Variants in UPF1 observed in about 807,000 individuals in gnomAD.
UPF1 encodes the protein regulator of nonsense transcripts 1.
In UPF1, 9 loss-of-function variants were observed where a neutral mutation model predicts 129.2. The ratio of observed to expected loss-of-function variants is 0.07; its 90% CI spans 0.04 to 0.12. The LOEUF (loss-of-function observed/expected upper bound fraction) is 0.12. Ranked by LOEUF, UPF1 falls within the 10% of genes least tolerant of loss-of-function variation. The pLI is 1.00. For missense variants in UPF1, 788 were observed against 1,525.3 expected, an observed-to-expected ratio of 0.52 and a Z score of 8.05; for synonymous variants, 649 against 644.9, an observed-to-expected ratio of 1.01 and a Z score of -0.10.
Position 18,850,189 on chromosome 19 carries a change from C to T in UPF1, c.576C>T (p.Phe192=), listed in dbSNP as rs1448709153. The change falls in exon 4 of 24, where the codon TTC becomes TTT. Residue 192 remains phenylalanine, a synonymous_variant. Transcript: ENST00000262803. This position sits in a 1 kb window ranked among gnomAD's most constrained non-coding sequence, Gnocchi z 7.1. ...ACAACTGCGGCTGTCGCAACGTCTT[C>T]CTCCTCGGCTTCATCCCGGCCAAAG... ...ECYNCGCRNV[F]LLGFIPAKAD... is the part of the protein sequence containing the mutation. The T allele has an allele frequency of 3.1e-6, 5 of 1,613,856 alleles. No homozygotes were observed. Among genetic ancestry groups the T allele is most frequent in the Non-Finnish European group, 4.2e-6 (5 of 1,179,840 alleles).
chr19:18,866,289 G>C (rs969385797), intron 23 of UPF1, 123 bp downstream of exon 23: 1 of 1,384,230 alleles, frequency 7.2e-7, no homozygotes, highest in African/African-American at 1.5e-5. Flanking sequence ...GCCTGGTGGG[G>C]GTCATAGGCC....
chr19:18,832,380 CGGCGCGGGAGGCCCGGGCGGCGCG>C lies in UPF1; in HGVS notation c.180_203del (p.Gly61_Gly68del). The C allele has an allele frequency of 3.3e-6, 4 of 1,198,948 alleles. No homozygotes were observed. The highest frequency in any genetic ancestry group is 4.2e-6 in the Non-Finnish European group (4 of 951,150). 74.3% of individuals were successfully genotyped at this position (1,198,948 alleles called of 1,614,324 possible). ...GCGGCCCCGGCGGCCCGGGCGGTGG[CGGCGCGGGAGGCCCGGGCGGCGCG>C]GGCGCGGGCGCTGCGGCGGGACAGC... On this transcript the variant is annotated inframe_deletion, in exon 1 of 24. Coordinates refer to ENST00000262803, the MANE Select transcript of UPF1 (RefSeq NM_002911.4). This position sits in a 1 kb window ranked among gnomAD's most constrained non-coding sequence, Gnocchi z 5.6.
chr19:18,838,043 T>C (rs1887593724), intron 1 of UPF1, among the ~76,000 whole-genome samples: 1 of 152,274 alleles, frequency 6.6e-6, no homozygotes, highest in African/African-American at 2.4e-5. Flanking sequence ...AAGTTGCTAC[T>C]TTGTCTTCAA....
In UPF1 at chr19:18,852,272, C is replaced by T. The variant is rs764051865; in HGVS notation, c.948C>T (p.Tyr316=). The change falls in exon 6 of 24, where the codon TAC becomes TAT. Residue 316 remains tyrosine, a synonymous_variant. Coordinates refer to ENST00000262803, the MANE Select transcript of UPF1 (RefSeq NM_002911.4). ...FGPLVKLEAD[Y]DKKLKESQTQ... is the part of the protein sequence containing the mutation. ...CCCTGGTCAAGCTGGAGGCCGACTACGACAAGAAGCTGAAGGAGTCCCAGG... is the reference window on the plus strand; with the variant it reads ...CCCTGGTCAAGCTGGAGGCCGACTATGACAAGAAGCTGAAGGAGTCCCAGG... 4.3e-6 allele frequency: 7 copies of T among 1,613,494 alleles called. No individual in the cohort carries two copies. The Admixed American group carries it at 5.0e-5, about 12-fold the overall frequency.
Position 18,850,625 on chromosome 19 carries a change from C to G in UPF1, c.630-63C>G. On this transcript the variant is annotated intron_variant, in intron 4 of 23. Coordinates refer to ENST00000262803, the MANE Select transcript of UPF1 (RefSeq NM_002911.4). This position sits in a 1 kb window ranked among gnomAD's most constrained non-coding sequence, Gnocchi z 7.1. ...GGTGAAAGGTCAGCATGGGAGGGGG[C>G]CCTCCCTGCTCCGGGGCTTCAGGGA... 2.0e-6 allele frequency: 3 copies of G among 1,477,794 alleles called. No individual in the cohort carries two copies. The highest frequency in any genetic ancestry group is 2.8e-5 in the South Asian group (2 of 72,208). 91.5% of individuals were successfully genotyped at this position (1,477,794 alleles called of 1,614,324 possible).
rs1249568197 is a variant in UPF1 at position 18,857,420 on chromosome 19, T to C, written c.2069T>C (p.Val690Ala). ...LSQSLFERLV[V>A]LGIRPIRLQV... ...CAGTCGCTCTTCGAGCGCCTGGTGG[T>C]GCTGGGCATCCGGCCCATCCGCCTG... Residue 690 changes from valine (V) to alanine (A), a missense_variant, in exon 15 of 24, where the codon GTG becomes GCG. Physicochemically the swap from Val to Ala is moderately conservative, Grantham distance 64. Around this residue, in one of 6 missense-constraint regions of UPF1, gnomAD observed 140 missense variants for 385.9 expected, o/e 0.36. Transcript: ENST00000262803. 1 of 1,613,450 alleles carries C rather than the reference T, an allele frequency of 6.2e-7. No individual in the cohort carries two copies. The highest frequency in any genetic ancestry group is 8.5e-7 in the Non-Finnish European group (1 of 1,180,024).
At chr19:18,862,246 A>G (rs2055788493) in intron 18 of UPF1, 94 bp downstream of exon 18, 1 of 1,533,100 alleles carries the variant, frequency 6.5e-7, no homozygotes, top group Non-Finnish European at 8.8e-7. Flanking sequence ...CCAGGGCCAG[A>G]GGTCAGAGGA....
intron 18 of UPF1, 116 bp from the exon 19 acceptor site, chr19:18,863,322 C>T: frequency 7.2e-7 from 1 of 1,382,744 alleles, no homozygotes; most frequent in Non-Finnish European, 9.9e-7. Flanking sequence ...GCTGCCCGGT[C>T]CACGCCTCTG....
chr19:18,833,784 A>G (rs2145927385), intron 1 of UPF1, among the ~76,000 whole-genome samples: 1 of 152,268 alleles, frequency 6.6e-6, no homozygotes. Context: ...CTCCTTGCTC[A>G]TCCAGAGTGA....
Position 18,863,533 on chromosome 19 carries a change from T to C in UPF1, c.2696T>C (p.Val899Ala). ...TACTATAAGGAGCAGAAGGTGCTGG[T>C]GGAGGGGCCGCTCAACAACCTGCGT... ...LNYYKEQKVLVEGPLNNLRES... is the reference protein window; with the variant it reads ...LNYYKEQKVLAEGPLNNLRES... The change falls in exon 19 of 24, where the codon GTG (valine) becomes GCG (alanine). Residue 899 changes from valine (V) to alanine (A), a missense_variant. Physicochemically the swap from Val to Ala is moderately conservative, Grantham distance 64. Around this residue, in one of 6 missense-constraint regions of UPF1, gnomAD observed 218 missense variants for 318.1 expected, o/e 0.69. Coordinates refer to ENST00000262803, the MANE Select transcript of UPF1 (RefSeq NM_002911.4). 1 of 1,613,806 alleles carries C rather than the reference T, an allele frequency of 6.2e-7. No individual in the cohort carries two copies. Among genetic ancestry groups the C allele is most frequent in the Non-Finnish European group, 8.5e-7 (1 of 1,179,866 alleles).
At position 18,855,976 on chromosome 19, in the gene UPF1, G is replaced by A. The variant is rs1455466301; in HGVS notation, c.1596G>A (p.Glu532=). The change falls in exon 12 of 24, where the codon GAG becomes GAA. Residue 532 remains glutamate (E), a synonymous_variant. Transcript: ENST00000262803. ...PSNIAVDQLT[E]KIHQTGLKVV... is the part of the protein sequence containing the mutation. Reference sequence around the variant, plus strand: ...ACATCGCCGTGGACCAGCTAACGGAGAAGATCCACCAGACGGGGCTAAAGG... The same window carrying A: ...ACATCGCCGTGGACCAGCTAACGGAAAAGATCCACCAGACGGGGCTAAAGG... 1 of 1,613,994 alleles carries A rather than the reference G, an allele frequency of 6.2e-7. No individual in the cohort carries two copies. Among genetic ancestry groups the A allele is most frequent in the Non-Finnish European group, 8.5e-7 (1 of 1,180,042 alleles).
rs777337812 is a variant in UPF1 at position 18,861,012 on chromosome 19, T to C, written c.2457+30T>C. On this transcript the variant is annotated intron_variant, in intron 17 of 23. Transcript: ENST00000262803. The stretch of plus-strand genomic sequence containing the variant: ...GCTGCGCCCTCGGGCACACTTGGTC[T>C]CCTGGGCCATGCAAGGGTATTGACC... 2.6e-6 allele frequency: 4 copies of C among 1,549,866 alleles called. No homozygotes were observed. The East Asian group carries it at 7.2e-5, about 28-fold the overall frequency.
At position 18,852,172 on chromosome 19, in the gene UPF1, C is replaced by T. The variant is rs763818930; in HGVS notation, c.848C>T (p.Pro283Leu). Reference sequence around the variant, plus strand: ...GCCACGCTGGAGGACCTGGAGAAGCCGGGGGTGGACGAGGAGCCGCAGCAT... The same window carrying T: ...GCCACGCTGGAGGACCTGGAGAAGCTGGGGGTGGACGAGGAGCCGCAGCAT... ...PSATLEDLEKPGVDEEPQHVL... is the reference protein window; with the variant it reads ...PSATLEDLEKLGVDEEPQHVL... Residue 283 changes from proline to leucine, a missense_variant, in exon 6 of 24, where the codon CCG (proline) becomes CTG (leucine). By Grantham distance (98) the Pro-to-Leu change is moderately conservative. Coordinates refer to ENST00000262803, the MANE Select transcript of UPF1 (RefSeq NM_002911.4). 4.3e-6 allele frequency: 7 copies of T among 1,612,790 alleles called. No individual in the cohort carries two copies. Among genetic ancestry groups the T allele is most frequent in the African/African-American group, 1.3e-5 (1 of 74,852 alleles).
Position 18,855,259 on chromosome 19 carries a change from C to T in UPF1, c.1544+17C>T, listed in dbSNP as rs375068754. ...AGGCAACGGGTAGGGCTGACACGGC[C>T]CTTGCGGGCAAGACCCGGGAGGGCT... is the stretch of plus-strand genomic sequence containing the variant. On this transcript the variant is annotated intron_variant, in intron 11 of 23. Transcript: ENST00000262803. 33 of 1,606,798 alleles carry T rather than the reference C, an allele frequency of 2.1e-5. No homozygotes were observed. Among genetic ancestry groups the T allele is most frequent in the Non-Finnish European group, 2.6e-5 (31 of 1,179,650 alleles).
chr19:18,839,548 G>T (rs1406535969), intron 1 of UPF1, among the ~76,000 whole-genome samples: 2 of 152,270 alleles, frequency 1.3e-5, no homozygotes, highest in East Asian at 3.9e-4. Flanking sequence ...AAGGTCACCC[G>T]TTAGGGAGGT....
At position 18,855,928 on chromosome 19, in the gene UPF1, G is replaced by C; in HGVS notation, c.1548G>C (p.Pro516=). 1 of 1,613,642 alleles carries C rather than the reference G, an allele frequency of 6.2e-7. No individual in the cohort carries two copies. Among genetic ancestry groups the C allele is most frequent in the Non-Finnish European group, 8.5e-7 (1 of 1,179,970 alleles). Residue 516 remains proline (P), a synonymous_variant, in exon 12 of 24, where the codon CCG becomes CCC. Coordinates refer to ENST00000262803, the MANE Select transcript of UPF1 (RefSeq NM_002911.4). ...VYHLARQGNG[P]VLVCAPSNIA... ...AGCTGCCCCAATGGTGTTGCAGGCC[G>C]GTGCTGGTGTGTGCTCCGAGCAACA...
In UPF1 at chr19:18,850,250, G is replaced by A; in HGVS notation, c.629+8G>A. 6.3e-7 allele frequency: 1 copy of A among 1,589,420 alleles called. No homozygotes were observed. The highest frequency in any genetic ancestry group is 8.6e-7 in the Non-Finnish European group (1 of 1,167,264). ...GGTGGTGCTGCTGTGCAGGTGAGTGGTCCCCAGATGTCTCCTGGGGGTGAC... is the reference window on the plus strand; with the variant it reads ...GGTGGTGCTGCTGTGCAGGTGAGTGATCCCCAGATGTCTCCTGGGGGTGAC... On this transcript the variant is annotated splice_region_variant and intron_variant, in intron 4 of 23. Coordinates refer to ENST00000262803, the MANE Select transcript of UPF1 (RefSeq NM_002911.4). The surrounding 1 kb of genome is among the most constrained non-coding windows in gnomAD (Gnocchi z 7.1).
In UPF1 at chr19:18,841,460, C is replaced by T. The variant is rs965401289; in HGVS notation, c.232-4520C>T. Among the ~76,000 whole-genome samples the T allele has an allele frequency of 9.2e-5, 14 of 152,306 alleles. 1 individual carries two copies. Among genetic ancestry groups the T allele is most frequent in the Admixed American group, 1.3e-4 (2 of 15,298 alleles). On this transcript the variant is annotated intron_variant, in intron 1 of 23. Transcript: ENST00000262803. ...TCAACAATGGCTTTTCACGATTGTCCGATATGTAGGGACAGTTGGCCTCTC... is the reference window on the plus strand; with the variant it reads ...TCAACAATGGCTTTTCACGATTGTCTGATATGTAGGGACAGTTGGCCTCTC...
chr19:18,851,986 G>A lies in UPF1; in HGVS notation c.811-149G>A. 1 of 1,165,698 alleles carries A rather than the reference G, an allele frequency of 8.6e-7. No homozygotes were observed. Among genetic ancestry groups the A allele is most frequent in the Non-Finnish European group, 1.2e-6 (1 of 869,486 alleles). The allele number at this position is 1,165,698 out of a possible 1,614,324, so 72.2% of individuals were successfully genotyped here. ...GTTCCCAGGGTTCTCCTTGCAGGTG[G>A]GGCTGCGCCAGAACCCCTCCATGCC... On this transcript the variant is annotated intron_variant, in intron 5 of 23. Coordinates refer to ENST00000262803, the MANE Select transcript of UPF1 (RefSeq NM_002911.4). This position sits in a 1 kb window ranked among gnomAD's most constrained non-coding sequence, Gnocchi z 4.2.
Sources: gnomAD v4.1 joint callset for allele counts (sites outside exome capture counted in the v4.1 genomes callset) on GRCh38, gnomAD v4.1.1 for gene constraint, gnomAD v4.1.1 regional missense constraint, Gnocchi (gnomAD v3.1) non-coding constraint, MANE v1.5 for transcripts, NCBI Gene and HGNC (gene_info 2026-07-23, HGNC 2026-07-21) for gene names.